PREX2: variants seen among roughly 807,000 people sequenced by gnomAD.
The protein encoded by PREX2 is phosphatidylinositol 3,4,5-trisphosphate-dependent Rac exchanger 2 protein.
In PREX2, 107 loss-of-function variants were observed where a neutral mutation model predicts 203.2. The ratio of observed to expected loss-of-function variants is 0.53; its 90% CI spans 0.45 to 0.62. PREX2 has a LOEUF of 0.62. PREX2 is among the 20% of genes least tolerant of loss of function. The pLI is 0.00. For missense variants in PREX2, 1,777 were observed against 1,955.9 expected, an observed-to-expected ratio of 0.91 and a Z score of 1.72; for synonymous variants, 672 against 663.6, an observed-to-expected ratio of 1.01 and a Z score of -0.19.
At chr8:68,078,695 A>G (rs1809423415) in intron 15 of PREX2, among the ~76,000 whole-genome samples, 1 of 152,196 alleles carries the variant, frequency 6.6e-6, no homozygotes, top group Admixed American at 6.5e-5. Flanking sequence ...TTGGTCCTTG[A>G]AGAACAAACT....
intron 35 of PREX2, among the ~76,000 whole-genome samples, chr8:68,179,736 A>C (rs1812049941): frequency 6.6e-6 from 1 of 152,152 alleles, no homozygotes; most frequent in Admixed American, 6.6e-5. Flanking sequence ...AGATGCTCAA[A>C]ATATATTTGT....
chr8:68,173,688 G>A (rs1253718974), intron 35 of PREX2, among the ~76,000 whole-genome samples: 1 of 152,052 alleles, frequency 6.6e-6, no homozygotes, highest in East Asian at 1.9e-4. Flanking sequence ...TTTTATTTTT[G>A]TGATAAGTCC....
chr8:68,013,638 A>G (rs1478620227), intron 1 of PREX2, among the ~76,000 whole-genome samples: 1 of 152,208 alleles, frequency 6.6e-6, no homozygotes, highest in African/African-American at 2.4e-5. Flanking sequence ...TATTGTTTTA[A>G]GTTAAAGGGT....
At chr8:68,152,235 G>A (rs1380357797) in intron 34 of PREX2, among the ~76,000 whole-genome samples, 3 of 130,738 alleles carry the variant, frequency 2.3e-5, no homozygotes, top group Non-Finnish European at 3.1e-5. Context: ...GCAGTGAGTC[G>A]AGATCACGCC....
At chr8:68,060,633 G>A (rs981179765) in intron 10 of PREX2, 46 bp from the exon 11 acceptor site, 29 of 1,350,406 alleles carry the variant, frequency 2.1e-5, no homozygotes, top group Non-Finnish European at 3.0e-5. Context: ...AGACTTGCTG[G>A]GGAAAAAATT....
chr8:68,050,040 ATATGTGTGTTTATG>A (rs1356746602), intron 8 of PREX2, among the ~76,000 whole-genome samples: 10 of 151,676 alleles, frequency 6.6e-5, no homozygotes, highest in African/African-American at 1.9e-4. Context: ...ATTCAATTGT[ATATGTGTGTTTATG>A]TATGTGTGTA....
chr8:68,162,428 A>G (rs1415432041), intron 35 of PREX2, among the ~76,000 whole-genome samples: 1 of 152,164 alleles, frequency 6.6e-6, no homozygotes, highest in East Asian at 1.9e-4. Context: ...ACTTACTTAG[A>G]AATGACTCAG....
At chr8:67,996,268 T>A (rs1468462952) in intron 1 of PREX2, among the ~76,000 whole-genome samples, 1 of 152,142 alleles carries the variant, frequency 6.6e-6, no homozygotes, top group Non-Finnish European at 1.5e-5. Context: ...TGATCACAGC[T>A]CACTGCAGCC....
chr8:68,168,009 AG>A (rs1811797851), intron 35 of PREX2, among the ~76,000 whole-genome samples: 1 of 152,228 alleles, frequency 6.6e-6, no homozygotes. Context: ...TTCAAATTTC[AG>A]AACCATTGCC....
At chr8:68,024,223 T>C (rs141660657) in intron 4 of PREX2, among the ~76,000 whole-genome samples, 3,006 of 152,180 alleles carry the variant, frequency 0.02, 116 homozygotes, top group Non-Finnish European at 0.018. Flanking sequence ...GACAATGCTA[T>C]GAATTACTAT....
chr8:67,997,629 A>G (rs185583587), intron 1 of PREX2, among the ~76,000 whole-genome samples: 339 of 152,226 alleles, frequency 2.2e-3, no homozygotes, highest in Admixed American at 6.9e-3. Context: ...ATTTAGAACC[A>G]GCTTGTTAGA....
At chr8:68,189,416 T>C (rs990743508) in intron 35 of PREX2, among the ~76,000 whole-genome samples, 2 of 152,160 alleles carry the variant, frequency 1.3e-5, no homozygotes, top group Non-Finnish European at 2.9e-5. Flanking sequence ...TCCTGCCCCA[T>C]TGCATGTTCC....
intron 32 of PREX2, among the ~76,000 whole-genome samples, chr8:68,137,327 G>A (rs1235607824): frequency 6.6e-6 from 1 of 152,086 alleles, no homozygotes. Context: ...GAGTGTAGCA[G>A]TGCAATCTTG....
At chr8:68,085,042 C>A (rs151181127) in intron 18 of PREX2, among the ~76,000 whole-genome samples, 1 of 152,082 alleles carries the variant, frequency 6.6e-6, no homozygotes. Context: ...GTGTTCGTTG[C>A]GCTGTGTCTA....
At position 68,201,221 on chromosome 8, in the gene PREX2, C is replaced by G. The variant is rs191772115; in HGVS notation, c.4604+8696C>G. ...GACGTAAGATAAATTTTCCATCTTC[C>G]AGAGGAGGGAAGAAATATGAGTATC... On this transcript the variant is annotated intron_variant, in intron 37 of 39. Coordinates refer to ENST00000288368, the MANE Select transcript of PREX2 (RefSeq NM_024870.4). 5.0e-4 allele frequency among the ~76,000 whole-genome samples: 76 copies of G among 152,038 alleles called. No individual in the cohort carries two copies. In the East Asian group the frequency reaches 0.013, roughly 26 times the overall value.
intron 35 of PREX2, among the ~76,000 whole-genome samples, chr8:68,169,468 A>G (rs1330934006): frequency 6.6e-6 from 1 of 152,170 alleles, no homozygotes; most frequent in Non-Finnish European, 1.5e-5. Context: ...CCAGAACAGC[A>G]AAGAGGTAGA....
chr8:68,209,304 A>G lies in PREX2; in HGVS notation c.4605-8312A>G, dbSNP rs542137244. Reference sequence around the variant, plus strand: ...ATAGACAACCACATCTGATTAGATTACTAATAACTTGTTTGCTATAGTCAT... The same window carrying G: ...ATAGACAACCACATCTGATTAGATTGCTAATAACTTGTTTGCTATAGTCAT... On this transcript the variant is annotated intron_variant, in intron 37 of 39. Coordinates refer to ENST00000288368, the MANE Select transcript of PREX2 (RefSeq NM_024870.4). Among the ~76,000 whole-genome samples the G allele has an allele frequency of 3.5e-3, 534 of 152,300 alleles. 2 individuals carry two copies. The highest frequency in any genetic ancestry group is 0.012 in the African/African-American group (511 of 41,570).
chr8:68,014,532 C>T (rs1387104217), intron 1 of PREX2, among the ~76,000 whole-genome samples: 1 of 152,098 alleles, frequency 6.6e-6, no homozygotes, highest in Non-Finnish European at 1.5e-5. Flanking sequence ...GTCTGCATCT[C>T]CCTACCCTTC....
chr8:68,145,165 T>G (rs970959894), intron 33 of PREX2, among the ~76,000 whole-genome samples: 2 of 152,194 alleles, frequency 1.3e-5, no homozygotes, highest in Non-Finnish European at 2.9e-5. Flanking sequence ...CTATTAATTT[T>G]CAACCCTTTG....
Sources: gnomAD v4.1 joint callset for allele counts (sites outside exome capture counted in the v4.1 genomes callset) on GRCh38, gnomAD v4.1.1 for gene constraint, MANE v1.5 for transcripts, NCBI Gene and HGNC (gene_info 2026-07-23, HGNC 2026-07-21) for gene names.